DPF3: variants seen among roughly 807,000 people sequenced by gnomAD.
DPF3 encodes double PHD fingers 3.
In DPF3, 18 loss-of-function variants were observed where a neutral mutation model predicts 56.8. The observed-to-expected ratio is 0.32, with a 90% CI of 0.22 to 0.47. The LOEUF (loss-of-function observed/expected upper bound fraction) is 0.47, where lower values mean the gene tolerates loss of function less well. Ranked by LOEUF, DPF3 falls within the 20% of genes least tolerant of loss-of-function variation. The pLI, the probability that DPF3 is intolerant of heterozygous loss-of-function variation, is 1.00. For synonymous variants in DPF3, 188 were observed against 180.2 expected (o/e 1.04, Z -0.35); for missense variants, 403 against 488.8 (o/e 0.82, Z 1.65).
At chr14:72,731,130 C>T (rs1029661273) in intron 4 of DPF3, among the ~76,000 whole-genome samples, 1 of 152,116 alleles carries the variant, frequency 6.6e-6, no homozygotes, top group Non-Finnish European at 1.5e-5. Flanking sequence ...CGAGATCATG[C>T]CACTGCACTC....
chr14:72,771,394 G>A (rs1030108904), intron 2 of DPF3, among the ~76,000 whole-genome samples: 4 of 152,024 alleles, frequency 2.6e-5, no homozygotes, highest in Non-Finnish European at 5.9e-5. Context: ...GCAGATTTCC[G>A]GCTTGTAACC....
intron 1 of DPF3, among the ~76,000 whole-genome samples, chr14:72,772,141 G>A (rs751319776): frequency 5.3e-5 from 8 of 152,188 alleles, no homozygotes; most frequent in Non-Finnish European, 1.0e-4. Context: ...AAAGAGCATG[G>A]GCTTCCAAGG....
At chr14:72,835,941 C>T (rs1456600160) in intron 1 of DPF3, 6 of 695,068 alleles carry the variant, frequency 8.6e-6, no homozygotes, top group Non-Finnish European at 8.8e-6. Flanking sequence ...TTTGACTCTT[C>T]GACACCTAAA....
At chr14:72,801,901 A>T (rs1892907680) in intron 1 of DPF3, among the ~76,000 whole-genome samples, 1 of 152,200 alleles carries the variant, frequency 6.6e-6, no homozygotes, top group South Asian at 2.1e-4. Flanking sequence ...AAGGACATCA[A>T]AGAAGGCTAG....
chr14:72,761,950 A>C lies in DPF3; in HGVS notation c.194-8579T>G, dbSNP rs189683862. On this transcript the variant is annotated intron_variant, in intron 2 of 10. Transcript: ENST00000556509. Reference sequence around the variant, plus strand: ...CAACTTTGTGCAACCAATTAGGAGAATGTAGATAAAAGAAACAAAATCACA... The same window carrying C: ...CAACTTTGTGCAACCAATTAGGAGACTGTAGATAAAAGAAACAAAATCACA... Among the ~76,000 whole-genome samples, 562 of 151,970 alleles carry C rather than the reference A, an allele frequency of 3.7e-3. 2 individuals are homozygous for C. Among genetic ancestry groups the C allele is most frequent in the African/African-American group, 0.013 (542 of 41,572 alleles).
intron 7 of DPF3, chr14:72,679,376 G>A (rs1159580847): frequency 6.6e-6 from 1 of 152,448 alleles, no homozygotes; most frequent in Non-Finnish European, 1.5e-5. Context: ...CACATCCTGA[G>A]CAGACGCTCT....
In DPF3 at chr14:72,868,733, C is replaced by T. The variant is rs146147753; in HGVS notation, c.32+25324G>A. Among the ~76,000 whole-genome samples the T allele has an allele frequency of 4.0e-3, 615 of 152,268 alleles. 5 individuals are homozygous for T. The highest frequency in any genetic ancestry group is 0.014 in the African/African-American group (584 of 41,546). On this transcript the variant is annotated intron_variant, in intron 1 of 10. Coordinates refer to ENST00000556509, the MANE Select transcript of DPF3 (RefSeq NM_001280542.3). ...TGTCCATCAGAATGACAGGAAGGAG[C>T]GAGGCAGTTAAAGGGAAAGCACCAT...
rs189542539 is a variant in DPF3 at position 72,704,755 on chromosome 14, C to T, written c.604+9668G>A. ...TCTCAATGACCCAAGTGCAAGATGT[C>T]AAGAGTCATCACTGCCACCTCCCTC... On this transcript the variant is annotated intron_variant, in intron 6 of 10. Coordinates refer to ENST00000556509, the MANE Select transcript of DPF3 (RefSeq NM_001280542.3). 1.4e-3 allele frequency among the ~76,000 whole-genome samples: 208 copies of T among 152,288 alleles called. 1 individual carries two copies. Among genetic ancestry groups the T allele is most frequent in the African/African-American group, 4.8e-3 (201 of 41,542 alleles).
At chr14:72,653,234 T>C (rs1885967560) in intron 8 of DPF3, among the ~76,000 whole-genome samples, 1 of 152,212 alleles carries the variant, frequency 6.6e-6, no homozygotes, top group South Asian at 2.1e-4. Context: ...GGACAATCAC[T>C]TCTGACAAGG....
intron 7 of DPF3, among the ~76,000 whole-genome samples, chr14:72,681,881 G>T (rs559867645): frequency 1.3e-5 from 2 of 152,226 alleles, no homozygotes; most frequent in Non-Finnish European, 2.9e-5. Context: ...CCCTAGGTCT[G>T]CCATTAATGC....
At chr14:72,696,725 T>A (rs1433857025) in intron 6 of DPF3, among the ~76,000 whole-genome samples, 1 of 152,244 alleles carries the variant, frequency 6.6e-6, no homozygotes, top group Non-Finnish European at 1.5e-5. Context: ...AAAGTAATAA[T>A]GTTTAGAGCA....
At position 72,674,372 on chromosome 14, in the gene DPF3, T is replaced by C; in HGVS notation, c.743-4A>G. The C allele has an allele frequency of 6.2e-7, 1 of 1,611,770 alleles. No individual in the cohort carries two copies. ...GTTCCATCCGGTCCTTTCTGGGCTGTGGGAACATTTAAAACATTCCAATTT... is the reference window on the plus strand; with the variant it reads ...GTTCCATCCGGTCCTTTCTGGGCTGCGGGAACATTTAAAACATTCCAATTT... On this transcript the variant is annotated splice_polypyrimidine_tract_variant and splice_region_variant and intron_variant, in intron 7 of 10. Transcript: ENST00000556509.
At chr14:72,876,842 C>T (rs948339953) in intron 1 of DPF3, among the ~76,000 whole-genome samples, 4 of 152,230 alleles carry the variant, frequency 2.6e-5, no homozygotes, top group Non-Finnish European at 4.4e-5. Context: ...GATCGTTTAG[C>T]GCAGCTATTC....
chr14:72,717,463 C>A (rs1396581890), intron 5 of DPF3, among the ~76,000 whole-genome samples: 1 of 152,182 alleles, frequency 6.6e-6, no homozygotes, highest in Non-Finnish European at 1.5e-5. Flanking sequence ...CTAGGCTGAT[C>A]TCTCTCCTCT....
chr14:72,713,796 C>G (rs1888763160), intron 6 of DPF3, among the ~76,000 whole-genome samples: 1 of 152,202 alleles, frequency 6.6e-6, no homozygotes, highest in Non-Finnish European at 1.5e-5. Flanking sequence ...CTGCGACTCC[C>G]CTCCCGTGGG....
At chr14:72,630,224 G>T (rs1885093422) in intron 8 of DPF3, among the ~76,000 whole-genome samples, 1 of 152,136 alleles carries the variant, frequency 6.6e-6, no homozygotes, top group Non-Finnish European at 1.5e-5. Context: ...GGTTTCCAGG[G>T]TCAGTGCTCA....
intron 1 of DPF3, among the ~76,000 whole-genome samples, chr14:72,853,929 A>G (rs984338600): frequency 5.3e-5 from 8 of 152,234 alleles, no homozygotes; most frequent in African/African-American, 1.9e-4. Flanking sequence ...CTGACATACA[A>G]ACCTCCAAGA....
chr14:72,768,833 G>A (rs1156811105), intron 2 of DPF3, among the ~76,000 whole-genome samples: 1 of 151,426 alleles, frequency 6.6e-6, no homozygotes, highest in Non-Finnish European at 1.5e-5. Context: ...TATACCCTAA[G>A]GACAAAAAGA....
chr14:72,893,908 A>AAAG, intron 1 of DPF3, 149 bp downstream of exon 1: 1 of 834,558 alleles, frequency 1.2e-6, no homozygotes, highest in Non-Finnish European at 1.9e-6. Flanking sequence ...AAAGAAGATG[A>AAAG]AGAAGTAAGA....
Sources: allele counts gnomAD v4.1 joint callset (sites outside exome capture counted in the v4.1 genomes callset), GRCh38; gene constraint gnomAD v4.1.1; transcripts MANE v1.5; gene names NCBI Gene and HGNC (gene_info 2026-07-23, HGNC 2026-07-21).